The following CLIP1 variants were observed in gnomAD, a reference collection of about 807,000 sequenced individuals.
The protein encoded by CLIP1 is CAP-Gly domain containing linker protein 1.
In CLIP1, 66 loss-of-function variants were observed where a neutral mutation model predicts 161.6. The observed-to-expected ratio is 0.41, with a 90% CI of 0.33 to 0.50. The LOEUF (loss-of-function observed/expected upper bound fraction) is 0.50, where lower values mean the gene tolerates loss of function less well. CLIP1 is among the 20% of genes least tolerant of loss of function. The probability of loss-of-function intolerance (pLI) is 0.27; values close to 1 mark genes in which losing one functional copy is unlikely to be tolerated. For synonymous variants in CLIP1, 598 were observed against 626.2 expected, an observed-to-expected ratio of 0.96 and a Z score of 0.67; for missense variants, 1,376 against 1,702.0, an observed-to-expected ratio of 0.81 and a Z score of 3.37.
chr12:122,408,953 AG>A (rs1233691583), intron 1 of CLIP1, among the ~76,000 whole-genome samples: 1 of 152,068 alleles, frequency 6.6e-6, no homozygotes, highest in Non-Finnish European at 1.5e-5. Flanking sequence ...CCAGGATTAC[AG>A]GTCTGCACAA....
At chr12:122,387,520 ATT>A (rs1955330978) in intron 1 of CLIP1, among the ~76,000 whole-genome samples, 1 of 145,476 alleles carries the variant, frequency 6.9e-6, no homozygotes, top group African/African-American at 2.6e-5. Context: ...ATTTTGTTAA[ATT>A]TCAACCCTTG....
At chr12:122,388,281 G>A (rs1343724671) in intron 1 of CLIP1, among the ~76,000 whole-genome samples, 3 of 151,382 alleles carry the variant, frequency 2.0e-5, no homozygotes, top group Non-Finnish European at 4.4e-5. Context: ...GCGCAGTGGC[G>A]CGATCTCGGC....
At position 122,336,630 on chromosome 12, in the gene CLIP1, AC is replaced by A; in HGVS notation, c.2568+1del. 1 of 1,525,048 alleles carries A rather than the reference AC, an allele frequency of 6.6e-7. No individual in the cohort carries two copies. 94.5% of individuals were successfully genotyped at this position (1,525,048 alleles called of 1,614,324 possible). On this transcript the variant is annotated splice_donor_variant, in intron 12 of 25. Coordinates refer to ENST00000620786, the MANE Select transcript of CLIP1 (RefSeq NM_001247997.2). LOFTEE classifies it high-confidence loss of function. Reference sequence around the variant, plus strand: ...AGATTCAGATTCCCAACAGGTACTTACCAAAATCTGAAGTTCTTTTTCCAAA... The same window carrying A: ...AGATTCAGATTCCCAACAGGTACTTACAAAATCTGAAGTTCTTTTTCCAAA...
intron 3 of CLIP1, among the ~76,000 whole-genome samples, chr12:122,367,886 C>A (rs531586974): frequency 2.6e-5 from 4 of 152,158 alleles, no homozygotes; most frequent in African/African-American, 9.6e-5. Context: ...GGCATGGTGG[C>A]ATGTGCCTGT....
intron 5 of CLIP1, among the ~76,000 whole-genome samples, chr12:122,357,920 C>T (rs1953555383): frequency 6.6e-6 from 1 of 152,062 alleles, no homozygotes; most frequent in Non-Finnish European, 1.5e-5. Context: ...GCCCGGCCAC[C>T]ACCCCGTCTG....
chr12:122,341,703 A>G lies in CLIP1; in HGVS notation c.1507-6T>C. 6.8e-7 allele frequency: 1 copy of G among 1,465,628 alleles called. No homozygotes were observed. Among genetic ancestry groups the G allele is most frequent in the African/African-American group, 1.4e-5 (1 of 70,218 alleles). 90.8% of individuals were successfully genotyped at this position (1,465,628 alleles called of 1,614,324 possible). On this transcript the variant is annotated splice_region_variant and splice_polypyrimidine_tract_variant and intron_variant, in intron 10 of 25. Coordinates refer to ENST00000620786, the MANE Select transcript of CLIP1 (RefSeq NM_001247997.2). ...TTTTCTGAAACTGTAGCCACCTATT[A>G]ACAGCAGTCCAAAGAAAAAAAGATC...
intron 1 of CLIP1, among the ~76,000 whole-genome samples, chr12:122,414,192 G>A (rs1462482099): frequency 6.6e-6 from 1 of 152,142 alleles, no homozygotes; most frequent in East Asian, 1.9e-4. Context: ...AGCTTGGAGT[G>A]CAGTGGCGTG....
At chr12:122,409,634 C>T (rs1046470009) in intron 1 of CLIP1, among the ~76,000 whole-genome samples, 2 of 151,840 alleles carry the variant, frequency 1.3e-5, no homozygotes, top group South Asian at 2.1e-4. Context: ...CAGGTTCAAG[C>T]GATTCTCCTG....
intron 17 of CLIP1, among the ~76,000 whole-genome samples, chr12:122,324,837 T>C (rs1467881036): frequency 6.6e-6 from 1 of 152,138 alleles, no homozygotes; most frequent in African/African-American, 2.4e-5. Flanking sequence ...GAAAATAAAC[T>C]ACTGCCTTCC....
At chr12:122,417,896 C>T (rs1956809405) in intron 1 of CLIP1, among the ~76,000 whole-genome samples, 1 of 152,070 alleles carries the variant, frequency 6.6e-6, no homozygotes, top group Non-Finnish European at 1.5e-5. Flanking sequence ...CTGCCTCCTC[C>T]TTCCTTCTCC....
chr12:122,328,520 TTTC>T, intron 15 of CLIP1, 94 bp from the exon 16 acceptor site: 1 of 716,602 alleles, frequency 1.4e-6, no homozygotes, highest in Non-Finnish European at 2.0e-6. Flanking sequence ...TTGTAATTAT[TTTC>T]AAAAGTTATG....
At chr12:122,382,050 C>T (rs915038548) in intron 1 of CLIP1, among the ~76,000 whole-genome samples, 1 of 152,108 alleles carries the variant, frequency 6.6e-6, no homozygotes, top group South Asian at 2.1e-4. Flanking sequence ...CCTGGTGAAA[C>T]CTCGTCTCTC....
chr12:122,374,694 G>A lies in CLIP1; in HGVS notation c.657+2695C>T, dbSNP rs935349888. Among the ~76,000 whole-genome samples, 17 of 152,118 alleles carry A rather than the reference G, an allele frequency of 1.1e-4. 1 individual carries two copies. In the East Asian group the frequency reaches 1.9e-3, roughly 17 times the overall value. On this transcript the variant is annotated intron_variant, in intron 3 of 25. Coordinates refer to ENST00000620786, the MANE Select transcript of CLIP1 (RefSeq NM_001247997.2). ...GGAGAACTGCTTGAACCCAGGAGGCGGAGGTTACAGTGAGCCAAGATCGCG... is the reference window on the plus strand; with the variant it reads ...GGAGAACTGCTTGAACCCAGGAGGCAGAGGTTACAGTGAGCCAAGATCGCG...
At chr12:122,395,468 CTA>C (rs767128423) in intron 1 of CLIP1, 1 of 152,176 alleles carries the variant, frequency 6.6e-6, no homozygotes, top group African/African-American at 2.4e-5. Context: ...AACAGCCTGG[CTA>C]TGAGGTCATG....
intron 20 of CLIP1, among the ~76,000 whole-genome samples, chr12:122,306,816 T>C (rs1054171780): frequency 6.6e-6 from 1 of 152,010 alleles, no homozygotes; most frequent in Non-Finnish European, 1.5e-5. Flanking sequence ...TTTAGAGCAA[T>C]GTTTGACCGC....
Position 122,349,555 on chromosome 12 carries a change from C to A in CLIP1, c.1401+1556G>T, listed in dbSNP as rs568050756. ...AAACTCCTGACCTTGAGTGATCAAT[C>A]AGCAGCAAGGGAACTAGTGATCCAC... is the stretch of plus-strand genomic sequence containing the variant. On this transcript the variant is annotated intron_variant, in intron 9 of 25. Transcript: ENST00000620786. 2.0e-5 allele frequency among the ~76,000 whole-genome samples: 3 copies of A among 152,320 alleles called. No individual in the cohort carries two copies. The South Asian group carries it at 6.2e-4, about 32-fold the overall frequency.
At chr12:122,309,948 C>A (rs1401214950) in intron 19 of CLIP1, 66 bp from the exon 20 acceptor site, 5 of 1,586,260 alleles carry the variant, frequency 3.2e-6, no homozygotes, top group Non-Finnish European at 4.3e-6. Context: ...TGGGAGACAA[C>A]CAGCTTCACA....
intron 11 of CLIP1, among the ~76,000 whole-genome samples, chr12:122,337,791 G>A (rs929051618): frequency 2.5e-4 from 38 of 151,156 alleles, no homozygotes; most frequent in Admixed American, 2.0e-3. Flanking sequence ...AGAGGTGGGC[G>A]GATCACGAAG....
chr12:122,387,235 C>G lies in CLIP1; in HGVS notation c.-106-6677G>C, dbSNP rs530591458. ...AATACAGTGGTTCTCAAAGTGTGGT[C>G]GGTGCACTCCCAGGGAACCTTTGAG... On this transcript the variant is annotated intron_variant, in intron 1 of 25. Coordinates refer to ENST00000620786, the MANE Select transcript of CLIP1 (RefSeq NM_001247997.2). Among the ~76,000 whole-genome samples, 3 of 152,132 alleles carry G rather than the reference C, an allele frequency of 2.0e-5. No individual in the cohort carries two copies. The South Asian group carries it at 6.2e-4, about 32-fold the overall frequency.
Sources: gnomAD v4.1 joint callset for allele counts (sites outside exome capture counted in the v4.1 genomes callset) on GRCh38, gnomAD v4.1.1 for gene constraint, MANE v1.5 for transcripts, NCBI Gene and HGNC (gene_info 2026-07-23, HGNC 2026-07-21) for gene names.